SCHIP1: variants seen among roughly 807,000 people sequenced by gnomAD.
SCHIP1 encodes schwannomin-interacting protein 1.
In SCHIP1, 8 loss-of-function variants were observed where a neutral mutation model predicts 29.7. The observed-to-expected ratio is 0.27, with a 90% CI of 0.16 to 0.49. SCHIP1 has a LOEUF of 0.49. SCHIP1 is among the 20% of genes least tolerant of loss of function. The pLI, the probability that SCHIP1 is intolerant of heterozygous loss-of-function variation, is 0.99. For missense variants in SCHIP1, 193 were observed against 294.6 expected, an observed-to-expected ratio of 0.66 and a Z score of 2.52; for synonymous variants, 76 against 94.9, an observed-to-expected ratio of 0.80 and a Z score of 1.16.
chr3:159,571,773 G>A, the SCHIP1 span, among the ~76,000 whole-genome samples: 3 of 152,146 alleles, frequency 2.0e-5, no homozygotes, highest in Non-Finnish European at 2.9e-5. Context: ...TTTTTGGTTG[G>A]TAGGCTATTA....
the SCHIP1 span, among the ~76,000 whole-genome samples, chr3:159,815,750 C>T: frequency 2.0e-5 from 3 of 152,124 alleles, no homozygotes; most frequent in African/African-American, 7.2e-5. Context: ...TGGTGGTGGT[C>T]TCCAGGAACA....
the SCHIP1 span, among the ~76,000 whole-genome samples, chr3:159,750,506 G>T: frequency 2.0e-5 from 3 of 151,940 alleles, no homozygotes; most frequent in East Asian, 5.8e-4. Context: ...TTTATTGAGC[G>T]ATAAACTTGT....
At chr3:159,344,575 TCCCAGTTGAGAGACATTTGACAAAATA>T in the SCHIP1 span, among the ~76,000 whole-genome samples, 1 of 152,216 alleles carries the variant, frequency 6.6e-6, no homozygotes, top group African/African-American at 2.4e-5. Flanking sequence ...ATCAGACACA[TCCCAGTTGAGAGACATTTGACAAAATA>T]CCTGACTAGT....
the SCHIP1 span, among the ~76,000 whole-genome samples, chr3:159,590,616 T>C: frequency 8.6e-5 from 13 of 152,018 alleles, no homozygotes; most frequent in African/African-American, 2.7e-4. Flanking sequence ...GGTCCTTACC[T>C]GCACTCAACT....
the SCHIP1 span, among the ~76,000 whole-genome samples, chr3:159,540,548 CAGAT>C: frequency 6.6e-6 from 1 of 152,088 alleles, no homozygotes; most frequent in East Asian, 1.9e-4. Context: ...TTCAGAAACA[CAGAT>C]AGCCTTCAAG....
At chr3:159,582,785 TATACAC>T in the SCHIP1 span, among the ~76,000 whole-genome samples, 2,491 of 80,470 alleles carry the variant, frequency 0.031, 89 homozygotes, top group African/African-American at 0.073. Flanking sequence ...GAAATATATA[TATACAC>T]ACACACACAC....
the SCHIP1 span, among the ~76,000 whole-genome samples, chr3:159,354,773 C>CT: frequency 6.6e-6 from 1 of 151,848 alleles, no homozygotes; most frequent in South Asian, 2.1e-4. Context: ...AGTACAATAG[C>CT]TACTTATAAG....
the SCHIP1 span, among the ~76,000 whole-genome samples, chr3:159,392,011 C>A: frequency 3.3e-5 from 5 of 152,164 alleles, no homozygotes; most frequent in South Asian, 8.3e-4. Context: ...GCAACCTGTC[C>A]AGGTCTTTTG....
chr3:159,412,057 G>T, the SCHIP1 span, among the ~76,000 whole-genome samples: 1 of 152,130 alleles, frequency 6.6e-6, no homozygotes, highest in East Asian at 1.9e-4. Flanking sequence ...TAACTGCTTT[G>T]CATATATTGT....
chr3:159,489,062 T>C, the SCHIP1 span, among the ~76,000 whole-genome samples: 36 of 152,372 alleles, frequency 2.4e-4, no homozygotes, highest in East Asian at 5.4e-3. Context: ...TATGCAATGA[T>C]AGAATGCAAG....
chr3:159,740,478 A>C, the SCHIP1 span, among the ~76,000 whole-genome samples: 3 of 152,282 alleles, frequency 2.0e-5, no homozygotes, highest in African/African-American at 7.2e-5. Flanking sequence ...GTGCTTGCCA[A>C]CCCACAGCCT....
the SCHIP1 span, among the ~76,000 whole-genome samples, chr3:159,447,844 AT>A: frequency 4.6e-5 from 7 of 152,114 alleles, no homozygotes; most frequent in African/African-American, 9.7e-5. Context: ...TCCACAATTA[AT>A]TTTTTTCCTT....
the SCHIP1 span, among the ~76,000 whole-genome samples, chr3:159,296,154 T>TC: frequency 6.6e-6 from 1 of 151,046 alleles, no homozygotes. Context: ...TTTTTTTTTT[T>TC]GGAAGTAAAA....
the SCHIP1 span, among the ~76,000 whole-genome samples, chr3:159,556,658 T>C: frequency 6.6e-5 from 10 of 150,916 alleles, no homozygotes; most frequent in African/African-American, 2.2e-4. Context: ...CTCAGTAAAC[T>C]ATCGCAAGGA....
the SCHIP1 span, among the ~76,000 whole-genome samples, chr3:159,605,537 C>A: frequency 6.6e-6 from 1 of 151,998 alleles, no homozygotes; most frequent in Non-Finnish European, 1.5e-5. Flanking sequence ...GCAAGGTCAC[C>A]CAGATAGTTA....
the SCHIP1 span, among the ~76,000 whole-genome samples, chr3:159,536,379 A>T: frequency 6.6e-6 from 1 of 152,168 alleles, no homozygotes; most frequent in African/African-American, 2.4e-5. Flanking sequence ...CTTGACTTTC[A>T]TCCCAAGTTA....
At chr3:159,633,954 C>T in the SCHIP1 span, among the ~76,000 whole-genome samples, 1 of 151,944 alleles carries the variant, frequency 6.6e-6, no homozygotes, top group Non-Finnish European at 1.5e-5. Context: ...CAATAATTAA[C>T]TCAAAAAAAC....
At chr3:159,784,513 T>C in the SCHIP1 span, among the ~76,000 whole-genome samples, 1 of 152,254 alleles carries the variant, frequency 6.6e-6, no homozygotes, top group African/African-American at 2.4e-5. Context: ...AGCTATGTGC[T>C]ACACAAGAAA....
the SCHIP1 span, among the ~76,000 whole-genome samples, chr3:159,796,631 T>TA: frequency 6.6e-6 from 1 of 152,158 alleles, no homozygotes; most frequent in African/African-American, 2.4e-5. Context: ...ATCATGATGG[T>TA]AAAAAAATTT....
Sources: gnomAD v4.1 joint callset for allele counts (sites outside exome capture counted in the v4.1 genomes callset) on GRCh38, gnomAD v4.1.1 for gene constraint, MANE v1.5 for transcripts, NCBI Gene and HGNC (gene_info 2026-07-23, HGNC 2026-07-21) for gene names.